Variants in UBE2E2 observed in about 807,000 individuals in gnomAD.
UBE2E2 encodes the protein ubiquitin-conjugating enzyme E2 E2.
UBE2E2 carries 6 observed loss-of-function variants against 24.7 expected under a neutral mutation model. The ratio of observed to expected loss-of-function variants is 0.24; its 90% CI spans 0.13 to 0.48. UBE2E2 has a LOEUF of 0.48. Among genes scored for constraint, UBE2E2 ranks in the 20% least tolerant of loss-of-function variants. The pLI is 0.99. For missense variants in UBE2E2, 169 were observed against 245.0 expected (o/e 0.69, Z 2.07); for synonymous variants, 104 against 83.6 (o/e 1.24, Z -1.33).
chr3:23,455,254 G>A (rs1232062987), intron 3 of UBE2E2, among the ~76,000 whole-genome samples: 2 of 152,188 alleles, frequency 1.3e-5, no homozygotes, highest in Non-Finnish European at 2.9e-5. Context: ...CAGAGATACT[G>A]CAGGTTCGGC....
chr3:23,283,403 C>T (rs144400936), intron 3 of UBE2E2, among the ~76,000 whole-genome samples: 45 of 152,164 alleles, frequency 3.0e-4, no homozygotes, highest in Middle Eastern at 3.4e-3. Flanking sequence ...AAACAAATGC[C>T]ATATCATACA....
At chr3:23,249,009 G>A (rs1200949289) in intron 3 of UBE2E2, among the ~76,000 whole-genome samples, 1 of 152,190 alleles carries the variant, frequency 6.6e-6, no homozygotes, top group Non-Finnish European at 1.5e-5. Context: ...AGTGGCTCAT[G>A]CCTGTAATTC....
intron 5 of UBE2E2, among the ~76,000 whole-genome samples, chr3:23,562,866 T>C (rs1202671846): frequency 1.3e-5 from 2 of 152,218 alleles, no homozygotes; most frequent in Non-Finnish European, 2.9e-5. Context: ...TAGAGGTGTT[T>C]ATAGTATTCT....
At chr3:23,446,159 A>G (rs1366217276) in intron 3 of UBE2E2, among the ~76,000 whole-genome samples, 2 of 152,236 alleles carry the variant, frequency 1.3e-5, no homozygotes, top group Non-Finnish European at 2.9e-5. Context: ...TAAATGGATC[A>G]AAACGGTGTT....
intron 3 of UBE2E2, among the ~76,000 whole-genome samples, chr3:23,237,475 C>T (rs1180721392): frequency 6.6e-6 from 1 of 152,034 alleles, no homozygotes; most frequent in African/African-American, 2.4e-5. Context: ...AAAGATTTTC[C>T]CTTTCATCTG....
chr3:23,411,177 C>T (rs1697487938), intron 3 of UBE2E2, among the ~76,000 whole-genome samples: 1 of 152,074 alleles, frequency 6.6e-6, no homozygotes, highest in Non-Finnish European at 1.5e-5. Flanking sequence ...CATGCTCTTC[C>T]GCCTCAGTTG....
chr3:23,494,659 A>G (rs951104294), intron 3 of UBE2E2, among the ~76,000 whole-genome samples: 1 of 152,162 alleles, frequency 6.6e-6, no homozygotes, highest in African/African-American at 2.4e-5. Flanking sequence ...ATACATTTCT[A>G]AAATGTTAGA....
At chr3:23,291,338 C>G (rs1212815196) in intron 3 of UBE2E2, among the ~76,000 whole-genome samples, 1 of 152,118 alleles carries the variant, frequency 6.6e-6, no homozygotes, top group East Asian at 1.9e-4. Flanking sequence ...TAGGAAAAAA[C>G]ATTTAAAACT....
At chr3:23,255,011 C>T (rs944208321) in intron 3 of UBE2E2, among the ~76,000 whole-genome samples, 23 of 150,192 alleles carry the variant, frequency 1.5e-4, no homozygotes, top group Non-Finnish European at 3.2e-4. Flanking sequence ...TTTCTGAAGG[C>T]ATATAACCTG....
At chr3:23,321,688 C>G (rs1425213907) in intron 3 of UBE2E2, among the ~76,000 whole-genome samples, 1 of 148,928 alleles carries the variant, frequency 6.7e-6, no homozygotes, top group Non-Finnish European at 1.5e-5. Context: ...ACTATTATGA[C>G]TGAATTTCGA....
intron 3 of UBE2E2, among the ~76,000 whole-genome samples, chr3:23,420,615 G>C (rs983841716): frequency 8.5e-5 from 13 of 152,170 alleles, no homozygotes; most frequent in African/African-American, 3.1e-4. Context: ...GTTCATAGTT[G>C]TAACTTCTAA....
At chr3:23,426,533 A>T (rs1372724314) in intron 3 of UBE2E2, among the ~76,000 whole-genome samples, 3 of 152,180 alleles carry the variant, frequency 2.0e-5, no homozygotes, top group African/African-American at 7.2e-5. Flanking sequence ...GACTTAGAGA[A>T]TTATATCCAA....
chr3:23,403,757 G>A (rs1222130322), intron 3 of UBE2E2, among the ~76,000 whole-genome samples: 2 of 150,696 alleles, frequency 1.3e-5, no homozygotes, highest in Non-Finnish European at 2.9e-5. Context: ...CCGGGAGGTG[G>A]AGGTTGCAGT....
intron 2 of UBE2E2, among the ~76,000 whole-genome samples, chr3:23,209,543 G>A (rs1366259788): frequency 6.6e-6 from 1 of 152,140 alleles, no homozygotes; most frequent in South Asian, 2.1e-4. Flanking sequence ...ATTAAATGTA[G>A]TGTCTTTCCT....
At chr3:23,300,096 A>G (rs1026250053) in intron 3 of UBE2E2, among the ~76,000 whole-genome samples, 1 of 152,144 alleles carries the variant, frequency 6.6e-6, no homozygotes, top group African/African-American at 2.4e-5. Flanking sequence ...ATCAGAGACT[A>G]GGATTGCAAC....
intron 3 of UBE2E2, among the ~76,000 whole-genome samples, chr3:23,277,553 G>C (rs1207084545): frequency 2.0e-5 from 3 of 152,056 alleles, no homozygotes; most frequent in African/African-American, 7.2e-5. Context: ...ATAGGTCATT[G>C]CAAAGTAATC....
At chr3:23,576,821 C>T (rs549389516) in intron 5 of UBE2E2, among the ~76,000 whole-genome samples, 1 of 152,040 alleles carries the variant, frequency 6.6e-6, no homozygotes, top group African/African-American at 2.4e-5. Context: ...CATGGGCTCC[C>T]GTCCAGTGAG....
At chr3:23,217,133 T>C (rs1696497402) in intron 2 of UBE2E2, 129 bp from the exon 3 acceptor site, 4 of 868,948 alleles carry the variant, frequency 4.6e-6, no homozygotes, top group Non-Finnish European at 3.5e-6. Context: ...GATGTGATTC[T>C]TTATACAGTA....
At chr3:23,573,726 T>G (rs1171391165) in intron 5 of UBE2E2, among the ~76,000 whole-genome samples, 2 of 152,220 alleles carry the variant, frequency 1.3e-5, no homozygotes, top group East Asian at 3.8e-4. Context: ...GCTAGGTGGT[T>G]CCTCCACACT....
Sources: allele counts gnomAD v4.1 joint callset (sites outside exome capture counted in the v4.1 genomes callset), GRCh38; gene constraint gnomAD v4.1.1; transcripts MANE v1.5; gene names NCBI Gene and HGNC (gene_info 2026-07-23, HGNC 2026-07-21).